The following VWC2 variants were observed in gnomAD, a reference collection of about 807,000 sequenced individuals.
VWC2 encodes the protein brorin.
VWC2 carries 14 observed loss-of-function variants against 29.8 expected under a neutral mutation model. The ratio of observed to expected loss-of-function variants is 0.47; its 90% CI spans 0.31 to 0.74. VWC2 has a LOEUF of 0.74. VWC2 is among the 30% of genes least tolerant of loss of function. The probability of loss-of-function intolerance (pLI) is 0.05; values close to 1 mark genes in which losing one functional copy is unlikely to be tolerated. For missense variants in VWC2, 457 were observed against 459.8 expected, an observed-to-expected ratio of 0.99 and a Z score of 0.05; for synonymous variants, 213 against 199.0, an observed-to-expected ratio of 1.07 and a Z score of -0.59.
chr7:49,910,607 A>T (rs999874600), intron 3 of VWC2, among the ~76,000 whole-genome samples: 27 of 8,910 alleles, frequency 3.0e-3, no homozygotes, highest in African/African-American at 0.013. Context: ...TAATCTTTTA[A>T]AAAAAAATGT....
chr7:49,775,237 T>G, intron 1 of VWC2, 96 bp from the exon 2 acceptor site: 3 of 277,934 alleles, frequency 1.1e-5, no homozygotes, highest in African/African-American at 2.2e-5. Flanking sequence ...GCCCAGCTCG[T>G]TAATCTAGAG....
intron 3 of VWC2, among the ~76,000 whole-genome samples, chr7:49,871,299 C>T (rs567438813): frequency 7.9e-5 from 12 of 152,108 alleles, no homozygotes; most frequent in Admixed American, 2.0e-4. Context: ...TGATCCAAGT[C>T]GGATTCCCTG....
At chr7:49,886,405 TA>T (rs1254499777) in intron 3 of VWC2, among the ~76,000 whole-genome samples, 1 of 152,226 alleles carries the variant, frequency 6.6e-6, no homozygotes, top group East Asian at 1.9e-4. Flanking sequence ...CTAATATAGG[TA>T]ATTAAAAATG....
intron 3 of VWC2, among the ~76,000 whole-genome samples, chr7:49,899,688 A>C (rs1792602550): frequency 6.6e-6 from 1 of 151,976 alleles, no homozygotes; most frequent in Admixed American, 6.6e-5. Flanking sequence ...ATCTGATAGA[A>C]CTGCAAGAAG....
intron 3 of VWC2, among the ~76,000 whole-genome samples, chr7:49,871,842 T>C (rs2128723512): frequency 6.6e-6 from 1 of 151,460 alleles, no homozygotes; most frequent in Non-Finnish European, 1.5e-5. Context: ...TACATACATG[T>C]ACATGTATGC....
Position 49,918,939 on chromosome 7 carries a change from TA to T in VWC2, c.*6756del, listed in dbSNP as rs1477471714. 1 of 151,850 alleles carries T rather than the reference TA, an allele frequency of 6.6e-6. No individual in the cohort carries two copies. The highest frequency in any genetic ancestry group is 6.6e-5 in the Admixed American group (1 of 15,228). The allele number at this position is 151,850 out of a possible 1,614,324, so 9.4% of individuals were successfully genotyped here. ...ACCTGGGCATGGTGGCACATGCCTGTAATCTACTCGGGAGGCTGAGGCAGGA... is the reference window on the plus strand; with the variant it reads ...ACCTGGGCATGGTGGCACATGCCTGTATCTACTCGGGAGGCTGAGGCAGGA... On this transcript the variant is annotated 3_prime_UTR_variant, in exon 4 of 4. Coordinates refer to ENST00000340652, the MANE Select transcript of VWC2 (RefSeq NM_198570.5).
chr7:49,840,890 T>A (rs1344991859), intron 3 of VWC2, among the ~76,000 whole-genome samples: 1 of 152,124 alleles, frequency 6.6e-6, no homozygotes. Context: ...GTCTCAAGTT[T>A]TCTGCCTCTT....
At chr7:49,848,544 T>C (rs1486897475) in intron 3 of VWC2, among the ~76,000 whole-genome samples, 1 of 152,248 alleles carries the variant, frequency 6.6e-6, no homozygotes, top group African/African-American at 2.4e-5. Context: ...AGCTGTGGTC[T>C]GCTCTCTCGT....
intron 3 of VWC2, among the ~76,000 whole-genome samples, chr7:49,910,210 G>C (rs12112260): frequency 0.029 from 4,375 of 152,236 alleles, 236 homozygotes; most frequent in African/African-American, 0.1. Flanking sequence ...CCAGAAGCGG[G>C]GGCCCTCCAC....
intron 3 of VWC2, among the ~76,000 whole-genome samples, chr7:49,892,317 A>T (rs1333054548): frequency 2.6e-5 from 4 of 152,030 alleles, no homozygotes; most frequent in Non-Finnish European, 5.9e-5. Flanking sequence ...AAGTGCTGGG[A>T]TTACAAGCGT....
At chr7:49,855,727 C>T (rs572682868) in intron 3 of VWC2, among the ~76,000 whole-genome samples, 2 of 152,226 alleles carry the variant, frequency 1.3e-5, no homozygotes, top group South Asian at 2.1e-4. Flanking sequence ...CCCTGAGGGG[C>T]CAGTTCAGTG....
chr7:49,845,118 G>A (rs559615135), intron 3 of VWC2, among the ~76,000 whole-genome samples: 3 of 152,220 alleles, frequency 2.0e-5, no homozygotes, highest in South Asian at 2.1e-4. Flanking sequence ...CAACACACAC[G>A]GGGCCTGTCA....
intron 2 of VWC2, among the ~76,000 whole-genome samples, chr7:49,788,014 C>T (rs148423511): frequency 2.0e-5 from 3 of 152,274 alleles, no homozygotes; most frequent in South Asian, 2.1e-4. Flanking sequence ...TCCACCAGAG[C>T]TTAAAACTCC....
intron 2 of VWC2, among the ~76,000 whole-genome samples, chr7:49,801,860 G>C (rs142264966): frequency 6.6e-6 from 1 of 152,248 alleles, no homozygotes; most frequent in Admixed American, 6.5e-5. Context: ...TAAAAGTTCA[G>C]TGAGGGAATA....
At chr7:49,790,377 C>A (rs1177736230) in intron 2 of VWC2, among the ~76,000 whole-genome samples, 1 of 152,168 alleles carries the variant, frequency 6.6e-6, no homozygotes, top group East Asian at 1.9e-4. Context: ...GACTCAGAAA[C>A]TGACAGCCTC....
chr7:49,801,358 T>C (rs1788732621), intron 2 of VWC2, among the ~76,000 whole-genome samples: 2 of 152,222 alleles, frequency 1.3e-5, no homozygotes, highest in Admixed American at 6.5e-5. Flanking sequence ...CCCATTTCCA[T>C]GGTCTTTCTA....
At chr7:49,840,695 A>G (rs1320836264) in intron 3 of VWC2, among the ~76,000 whole-genome samples, 1 of 152,162 alleles carries the variant, frequency 6.6e-6, no homozygotes. Flanking sequence ...CAGCTTCAAA[A>G]GCTGTTTGCA....
chr7:49,776,044 C>T lies in VWC2; in HGVS notation c.609C>T (p.Asp203=), dbSNP rs1317497572. 1 of 1,548,542 alleles carries T rather than the reference C, an allele frequency of 6.5e-7. No homozygotes were observed. The highest frequency in any genetic ancestry group is 1.9e-5 in the Admixed American group (1 of 52,074). The part of the protein sequence containing the change: ...PRLHPRCIHV[D]TSQCCPQCKE... ...TGCACCCGCGCTGCATCCACGTCGA[C>T]ACGAGCCAGTGCTGCCCGCAGTGCA... Residue 203 remains aspartate, a synonymous_variant, in exon 2 of 4, where the codon GAC becomes GAT. Transcript: ENST00000340652.
intron 3 of VWC2, among the ~76,000 whole-genome samples, chr7:49,906,196 T>C (rs1162990492): frequency 6.6e-6 from 1 of 152,208 alleles, no homozygotes; most frequent in Non-Finnish European, 1.5e-5. Flanking sequence ...CTTTCTTGCA[T>C]GAAATCCAAG....
Sources: gnomAD v4.1 joint callset for allele counts (sites outside exome capture counted in the v4.1 genomes callset) on GRCh38, gnomAD v4.1.1 for gene constraint, MANE v1.5 for transcripts, NCBI Gene and HGNC (gene_info 2026-07-23, HGNC 2026-07-21) for gene names.